TMED8: variants seen among roughly 807,000 people sequenced by gnomAD.
TMED8 encodes protein TMED8.
TMED8 carries 15 observed loss-of-function variants against 32.7 expected under a neutral mutation model. That is an observed-to-expected ratio of 0.46 (90% CI 0.31 to 0.71). The LOEUF (loss-of-function observed/expected upper bound fraction) is 0.71, where lower values mean the gene tolerates loss of function less well. Ranked by LOEUF, TMED8 falls within the 30% of genes least tolerant of loss-of-function variation. The pLI, the probability that TMED8 is intolerant of heterozygous loss-of-function variation, is 0.06. For missense variants in TMED8, 390 were observed against 423.9 expected, an observed-to-expected ratio of 0.92 and a Z score of 0.70; for synonymous variants, 147 against 161.4, an observed-to-expected ratio of 0.91 and a Z score of 0.68.
In TMED8 at chr14:77,376,403, G is replaced by T. The variant is rs1182819607; in HGVS notation, c.118+533C>A. On this transcript the variant is annotated intron_variant, in intron 1 of 5. Coordinates refer to ENST00000216468, the MANE Select transcript of TMED8 (RefSeq NM_213601.3). The surrounding 1 kb of genome is among the most constrained non-coding windows in gnomAD (Gnocchi z 4.0). Reference sequence around the variant, plus strand: ...AAGCGATGGAGAGGATGGCAGCAAGGCCAGGGGGCCTATGTGCAGGAAGGC... The same window carrying T: ...AAGCGATGGAGAGGATGGCAGCAAGTCCAGGGGGCCTATGTGCAGGAAGGC... Among the ~76,000 whole-genome samples, 1 of 152,246 alleles carries T rather than the reference G, an allele frequency of 6.6e-6. No individual in the cohort carries two copies. Among genetic ancestry groups the T allele is most frequent in the African/African-American group, 2.4e-5 (1 of 41,456 alleles).
At chr14:77,348,688 C>T (rs1421151131) in intron 2 of TMED8, among the ~76,000 whole-genome samples, 1 of 152,040 alleles carries the variant, frequency 6.6e-6, no homozygotes, top group Non-Finnish European at 1.5e-5. Context: ...TAGTATACAC[C>T]TCATGGGGGA....
intron 1 of TMED8, among the ~76,000 whole-genome samples, chr14:77,358,371 T>C (rs1893346710): frequency 1.3e-5 from 2 of 151,878 alleles, no homozygotes; most frequent in African/African-American, 4.8e-5. Flanking sequence ...GCGCAATCTC[T>C]GCTCACTGCA....
chr14:77,353,439 GTTTTTT>G (rs71303874), intron 1 of TMED8, among the ~76,000 whole-genome samples: 1 of 127,522 alleles, frequency 7.8e-6, no homozygotes, highest in Non-Finnish European at 1.7e-5. Context: ...TCTTTTCTTT[GTTTTTT>G]TTTTTTTTTT....
chr14:77,352,309 T>C (rs1006859268), intron 1 of TMED8, among the ~76,000 whole-genome samples: 2 of 151,508 alleles, frequency 1.3e-5, no homozygotes, highest in African/African-American at 4.9e-5. Flanking sequence ...AGCTACTTGG[T>C]AGGCTGAGGC....
At chr14:77,362,885 T>C (rs2139628709) in intron 1 of TMED8, among the ~76,000 whole-genome samples, 1 of 152,318 alleles carries the variant, frequency 6.6e-6, no homozygotes, top group South Asian at 2.1e-4. Flanking sequence ...AAGAAGGCCA[T>C]TATTTGATGA....
In TMED8 at chr14:77,339,448, T is replaced by G. The variant is rs1892840756; in HGVS notation, c.*2323A>C. 1 of 152,188 alleles carries G rather than the reference T, an allele frequency of 6.6e-6. No individual in the cohort carries two copies. Among genetic ancestry groups the G allele is most frequent in the Non-Finnish European group, 1.5e-5 (1 of 68,034 alleles). 9.4% of individuals were successfully genotyped at this position (152,188 alleles called of 1,614,324 possible). ...TGGTGAAAATAAATAATAACAAGTG[T>G]TATCCTTGGGAGCTTGCTGTGTATG... is the stretch of plus-strand genomic sequence containing the variant. On this transcript the variant is annotated 3_prime_UTR_variant, in exon 6 of 6. Transcript: ENST00000216468.
chr14:77,346,261 C>T (rs1224063795), intron 3 of TMED8, 88 bp downstream of exon 3: 9 of 1,413,544 alleles, frequency 6.4e-6, no homozygotes, highest in East Asian at 2.4e-5. Context: ...GAGCCACCCT[C>T]GCAGTGCTTT....
At position 77,348,207 on chromosome 14, in the gene TMED8, T is replaced by G. The variant is rs1334158941; in HGVS notation, c.198-1729A>C. On this transcript the variant is annotated intron_variant, in intron 2 of 5. Transcript: ENST00000216468. Reference sequence around the variant, plus strand: ...ATTTTTAAATGAACAAATAACCATATTCTAATTTTTCAGTTTTAATTTCTT... The same window carrying G: ...ATTTTTAAATGAACAAATAACCATAGTCTAATTTTTCAGTTTTAATTTCTT... Among the ~76,000 whole-genome samples, 10 of 146,314 alleles carry G rather than the reference T, an allele frequency of 6.8e-5. 1 individual carries two copies. In the East Asian group the frequency reaches 1.8e-3, roughly 27 times the overall value.
rs1372979970 is a variant in TMED8, at chr14:77,343,832, C to A, written c.328-9G>T. 1 of 1,611,548 alleles carries A rather than the reference C, an allele frequency of 6.2e-7. No individual in the cohort carries two copies. The highest frequency in any genetic ancestry group is 1.3e-5 in the African/African-American group (1 of 74,868). On this transcript the variant is annotated splice_polypyrimidine_tract_variant and intron_variant, in intron 3 of 5. Coordinates refer to ENST00000216468, the MANE Select transcript of TMED8 (RefSeq NM_213601.3). The stretch of plus-strand genomic sequence containing the variant: ...ACTTGATACTTAGCCATCTGCACAA[C>A]AGAACTCTGGTTAAAGGAGTATTCG...
At chr14:77,361,743 A>C (rs959685232) in intron 1 of TMED8, among the ~76,000 whole-genome samples, 13 of 152,112 alleles carry the variant, frequency 8.5e-5, no homozygotes, top group African/African-American at 2.4e-4. Flanking sequence ...AATTTCTTTC[A>C]TCAGTGTTTT....
chr14:77,372,947 TATA>T (rs1566696624), intron 1 of TMED8, among the ~76,000 whole-genome samples: 26 of 25,454 alleles, frequency 1.0e-3, no homozygotes, highest in Admixed American at 1.4e-3. Flanking sequence ...TATATATATA[TATA>T]TATTTTTTTT....
At chr14:77,370,322 A>T (rs1057162316) in intron 1 of TMED8, among the ~76,000 whole-genome samples, 2 of 152,212 alleles carry the variant, frequency 1.3e-5, no homozygotes, top group African/African-American at 4.8e-5. Context: ...CAGAAATGAA[A>T]CTAGCACAAA....
intron 1 of TMED8, among the ~76,000 whole-genome samples, chr14:77,367,447 GA>G (rs916455606): frequency 1.3e-5 from 2 of 151,920 alleles, no homozygotes. Context: ...CTTAAGGTAA[GA>G]AAACCACTAT....
chr14:77,364,659 C>A (rs1441255376), intron 1 of TMED8, among the ~76,000 whole-genome samples: 1 of 152,174 alleles, frequency 6.6e-6, no homozygotes, highest in South Asian at 2.1e-4. Flanking sequence ...TCCCAAGTAG[C>A]TGAGAATACA....
chr14:77,345,144 C>T (rs372679387), intron 3 of TMED8, among the ~76,000 whole-genome samples: 2 of 152,122 alleles, frequency 1.3e-5, no homozygotes, highest in Non-Finnish European at 2.9e-5. Flanking sequence ...CCTGCCAACA[C>T]GCCCAGCTAA....
At chr14:77,346,847 A>G (rs1893060389) in intron 2 of TMED8, among the ~76,000 whole-genome samples, 1 of 146,430 alleles carries the variant, frequency 6.8e-6, no homozygotes, top group Admixed American at 7.3e-5. Flanking sequence ...TATGGTGTAC[A>G]ATGTGCTGTT....
rs1205541959 is a variant in TMED8 at position 77,343,204 on chromosome 14, T to A, written c.734A>T (p.Glu245Val). 6.2e-7 allele frequency: 1 copy of A among 1,614,008 alleles called. No homozygotes were observed. The highest frequency in any genetic ancestry group is 8.5e-7 in the Non-Finnish European group (1 of 1,179,990). Residue 245 changes from glutamate (E) to valine (V), a missense_variant, in exon 5 of 6, where the codon GAA becomes GTA. Coordinates refer to ENST00000216468, the MANE Select transcript of TMED8 (RefSeq NM_213601.3). ...TTCAATCTCTTCCTCCTCTTCCTCT[T>A]CTTCATCCTCATCGTCACTGGAATC... ...VSDSSDDEDE[E>V]EEEEEEIEEP...
At chr14:77,368,579 G>C (rs934863731) in intron 1 of TMED8, among the ~76,000 whole-genome samples, 3 of 152,174 alleles carry the variant, frequency 2.0e-5, no homozygotes, top group Non-Finnish European at 4.4e-5. Context: ...CTGGGTTCAA[G>C]AGATTCTTCG....
chr14:77,376,818 GCCGAGGTGGGTCCGCT>G lies in TMED8; in HGVS notation c.118+102_118+117del. ...AAGGGGCCCCGCGCGCGAAGGGGCT[GCCGAGGTGGGTCCGCT>G]CCGCGGGGAAGCCCAGGACAGAGCG... On this transcript the variant is annotated intron_variant, in intron 1 of 5. Transcript: ENST00000216468. This position sits in a 1 kb window ranked among gnomAD's most constrained non-coding sequence, Gnocchi z 4.0. 2 of 542,364 alleles carry G rather than the reference GCCGAGGTGGGTCCGCT, an allele frequency of 3.7e-6. No homozygotes were observed. Among genetic ancestry groups the G allele is most frequent in the Middle Eastern group, 1.1e-3 (2 of 1,822 alleles). 33.6% of individuals were successfully genotyped at this position (542,364 alleles called of 1,614,324 possible).
Sources: allele counts gnomAD v4.1 joint callset (sites outside exome capture counted in the v4.1 genomes callset), GRCh38; gene constraint gnomAD v4.1.1; non-coding constraint Gnocchi (gnomAD v3.1); transcripts MANE v1.5; gene names NCBI Gene and HGNC (gene_info 2026-07-23, HGNC 2026-07-21).